The following PPP2R5D variants were observed in gnomAD, a reference collection of about 807,000 sequenced individuals.
PPP2R5D encodes the protein protein phosphatase 2 regulatory subunit B'delta.
A neutral mutation model predicts 79.1 loss-of-function variants in PPP2R5D; 12 were observed. That is an observed-to-expected ratio of 0.15 (90% CI 0.10 to 0.25). The LOEUF (loss-of-function observed/expected upper bound fraction) is 0.25, where lower values mean the gene tolerates loss of function less well. Among genes scored for constraint, PPP2R5D ranks in the 10% least tolerant of loss-of-function variants. PPP2R5D has a pLI of 1.00. For missense variants in PPP2R5D, 419 were observed against 760.2 expected, an observed-to-expected ratio of 0.55 and a Z score of 5.28; for synonymous variants, 277 against 286.6, an observed-to-expected ratio of 0.97 and a Z score of 0.34.
intron 2 of PPP2R5D, among the ~76,000 whole-genome samples, chr6:42,990,699 CTTTTTTT>C (rs70990164): frequency 5.8e-5 from 3 of 51,572 alleles, no homozygotes; most frequent in South Asian, 2.2e-3. Flanking sequence ...CAGTATTCTA[CTTTTTTT>C]TTTTTTTTTT....
Position 42,989,655 on chromosome 6 carries a change from G to C in PPP2R5D, c.72G>C (p.Ser24=). 6.2e-7 allele frequency: 1 copy of C among 1,613,950 alleles called. No individual in the cohort carries two copies. Among genetic ancestry groups the C allele is most frequent in the South Asian group, 1.1e-5 (1 of 91,054 alleles). ...AATGCACAGCCAAGCCTAGCAGCTCGGGCAAGGATGGTGGAGGCGAGAACA... is the reference window on the plus strand; with the variant it reads ...AATGCACAGCCAAGCCTAGCAGCTCCGGCAAGGATGGTGGAGGCGAGAACA... The part of the protein sequence containing the change: ...VAKCTAKPSS[S]GKDGGGENTE... Residue 24 remains serine, a synonymous_variant, in exon 2 of 16, where the codon TCG becomes TCC. Coordinates refer to ENST00000485511, the MANE Select transcript of PPP2R5D (RefSeq NM_006245.4).
rs372716096 is a variant in PPP2R5D, at chr6:43,009,457, G to A, written c.1379+8G>A. ...CAAGAGCCACTGGAACAAGTAAGGC[G>A]CTGGGGTGGGGCTGGGTGGTGGGGA... On this transcript the variant is annotated splice_region_variant and intron_variant, in intron 12 of 15. Transcript: ENST00000485511. The surrounding 1 kb of genome is among the most constrained non-coding windows in gnomAD (Gnocchi z 5.6). 12 of 1,613,934 alleles carry A rather than the reference G, an allele frequency of 7.4e-6. No individual in the cohort carries two copies. The highest frequency in any genetic ancestry group is 2.2e-5 in the East Asian group (1 of 44,900).
Position 43,007,517 on chromosome 6 carries a change from G to A in PPP2R5D, c.726+11G>A, listed in dbSNP as rs531625042. 3.4e-5 allele frequency: 54 copies of A among 1,591,706 alleles called. No homozygotes were observed. The South Asian group carries it at 5.1e-4, about 15-fold the overall frequency. ...AAGTTTGTACTTGCTGTGAGTCCCC[G>A]AGTTCCTGTCCTTGCCCTCTCTTTC... On this transcript the variant is annotated intron_variant, in intron 6 of 15. Coordinates refer to ENST00000485511, the MANE Select transcript of PPP2R5D (RefSeq NM_006245.4). The surrounding 1 kb of genome is among the most constrained non-coding windows in gnomAD (Gnocchi z 4.5).
rs1478372300 is a variant in PPP2R5D at position 43,008,167 on chromosome 6, G to A, written c.858-34G>A. On this transcript the variant is annotated intron_variant, in intron 7 of 15. Transcript: ENST00000485511. This position sits in a 1 kb window ranked among gnomAD's most constrained non-coding sequence, Gnocchi z 4.2. Reference sequence around the variant, plus strand: ...TGTACAGAATGCTGGAGGGACATCAGGGGTTGTCAAGAGAGCCATTTTTCT... The same window carrying A: ...TGTACAGAATGCTGGAGGGACATCAAGGGTTGTCAAGAGAGCCATTTTTCT... 1 of 1,613,016 alleles carries A rather than the reference G, an allele frequency of 6.2e-7. No individual in the cohort carries two copies. The highest frequency in any genetic ancestry group is 8.5e-7 in the Non-Finnish European group (1 of 1,179,730).
At position 43,008,948 on chromosome 6, in the gene PPP2R5D, T is replaced by G. The variant is rs1003807448; in HGVS notation, c.1081-109T>G. The G allele has an allele frequency of 5.1e-6, 7 of 1,373,300 alleles. No individual in the cohort carries two copies. The Admixed American group carries it at 1.2e-4, about 23-fold the overall frequency. 85.1% of individuals were successfully genotyped at this position (1,373,300 alleles called of 1,614,324 possible). On this transcript the variant is annotated intron_variant, in intron 10 of 15. Coordinates refer to ENST00000485511, the MANE Select transcript of PPP2R5D (RefSeq NM_006245.4). The surrounding 1 kb of genome is among the most constrained non-coding windows in gnomAD (Gnocchi z 4.2). ...CAAAGAAACGGGTAGCTGGCTGAGA[T>G]CACCCAAACTGTGCCCACCAGGGTG...
chr6:42,998,624 A>G, intron 2 of PPP2R5D, among the ~76,000 whole-genome samples: 1 of 151,762 alleles, frequency 6.6e-6, no homozygotes. Context: ...AGGGCCAGGT[A>G]TGGTGGCTCA....
Position 43,010,955 on chromosome 6 carries a change from C to T in PPP2R5D, c.1629C>T (p.Asp543=), listed in dbSNP as rs1326054153. ...AGACAGAGACCCCCACAGCTGAGGACATCCAGCTTCTGAAGAGGACTGTGG... is the reference window on the plus strand; with the variant it reads ...AGACAGAGACCCCCACAGCTGAGGATATCCAGCTTCTGAAGAGGACTGTGG... ...SMETETPTAE[D]IQLLKRTVET... Residue 543 remains aspartate, a synonymous_variant, in exon 15 of 16, where the codon GAC becomes GAT. Coordinates refer to ENST00000485511, the MANE Select transcript of PPP2R5D (RefSeq NM_006245.4). This position sits in a 1 kb window ranked among gnomAD's most constrained non-coding sequence, Gnocchi z 4.7. 6.2e-7 allele frequency: 1 copy of T among 1,614,158 alleles called. No homozygotes were observed. The highest frequency in any genetic ancestry group is 8.5e-7 in the Non-Finnish European group (1 of 1,180,016).
At position 43,007,172 on chromosome 6, in the gene PPP2R5D, G is replaced by T; in HGVS notation, c.523-24G>T. The T allele has an allele frequency of 6.2e-7, 1 of 1,614,106 alleles. No individual in the cohort carries two copies. ...GGGGCTCTGGAGAAGCCCAGGTGGA[G>T]CTCTAACTGGCCCTACCCCTCAGTT... On this transcript the variant is annotated intron_variant, in intron 4 of 15. Transcript: ENST00000485511. The surrounding 1 kb of genome is among the most constrained non-coding windows in gnomAD (Gnocchi z 4.5).
rs1182930535 is a variant in PPP2R5D, at chr6:42,984,585, T to C, written c.-93T>C. On this transcript the variant is annotated 5_prime_UTR_variant, in exon 1 of 16. Coordinates refer to ENST00000485511, the MANE Select transcript of PPP2R5D (RefSeq NM_006245.4). The stretch of plus-strand genomic sequence containing the variant: ...CGACCCGGGCGCAGCGCGCAGGCGG[T>C]GGCGAAGAGACGCCGAGCGGGCCGA... 3 of 1,480,932 alleles carry C rather than the reference T, an allele frequency of 2.0e-6. No individual in the cohort carries two copies. The highest frequency in any genetic ancestry group is 1.5e-5 in the African/African-American group (1 of 68,182). 91.7% of individuals were successfully genotyped at this position (1,480,932 alleles called of 1,614,324 possible). A position where few individuals can be genotyped will look rare whatever the true frequency, so the allele number is the denominator to read the frequency against.
At position 43,009,470 on chromosome 6, in the gene PPP2R5D, T is replaced by C. The variant is rs1762245765; in HGVS notation, c.1379+21T>C. On this transcript the variant is annotated intron_variant, in intron 12 of 15. Transcript: ENST00000485511. This position sits in a 1 kb window ranked among gnomAD's most constrained non-coding sequence, Gnocchi z 5.6. ...AACAAGTAAGGCGCTGGGGTGGGGCTGGGTGGTGGGGATCCAGTTTGGGAA... is the reference window on the plus strand; with the variant it reads ...AACAAGTAAGGCGCTGGGGTGGGGCCGGGTGGTGGGGATCCAGTTTGGGAA... The C allele has an allele frequency of 1.2e-6, 2 of 1,613,684 alleles. No homozygotes were observed.
chr6:43,008,252 C>A lies in PPP2R5D; in HGVS notation c.909C>A (p.Ile303=), dbSNP rs1762192125. The A allele has an allele frequency of 6.2e-7, 1 of 1,614,052 alleles. No individual in the cohort carries two copies. The highest frequency in any genetic ancestry group is 8.5e-7 in the Non-Finnish European group (1 of 1,180,048). Residue 303 remains isoleucine, a synonymous_variant, in exon 8 of 16, where the codon ATC becomes ATA. Coordinates refer to ENST00000485511, the MANE Select transcript of PPP2R5D (RefSeq NM_006245.4). The surrounding 1 kb of genome is among the most constrained non-coding windows in gnomAD (Gnocchi z 4.2). ...HHNGIAELLE[I]LGSIINGFAL... ...ACGGGATTGCTGAGCTCCTGGAGAT[C>A]CTGGGCAGGTGAGAGGCCGGGTGGG...
At chr6:42,995,338 G>T (rs1245756279) in intron 2 of PPP2R5D, among the ~76,000 whole-genome samples, 3 of 151,674 alleles carry the variant, frequency 2.0e-5, no homozygotes, top group African/African-American at 7.3e-5. Flanking sequence ...TTATTATGTT[G>T]CTAAGGCTGG....
chr6:43,011,444 C>A lies in PPP2R5D; in HGVS notation c.*158C>A, dbSNP rs1286842369. ...TGGGCACTTGAAGCAGGGACACCCA[C>A]AGAATGGTCCCTCTTCTCCCCAAAA... On this transcript the variant is annotated 3_prime_UTR_variant, in exon 16 of 16. Transcript: ENST00000485511. The A allele has an allele frequency of 2.1e-6, 2 of 974,364 alleles. No individual in the cohort carries two copies. The highest frequency in any genetic ancestry group is 1.5e-6 in the Non-Finnish European group (1 of 670,842). The allele number at this position is 974,364 out of a possible 1,614,324, so 60.4% of individuals were successfully genotyped here. A position where few individuals can be genotyped will look rare whatever the true frequency, so the allele number is the denominator to read the frequency against.
chr6:43,010,417 G>A lies in PPP2R5D; in HGVS notation c.1380-51G>A, dbSNP rs748434502. 9.8e-6 allele frequency: 15 copies of A among 1,528,198 alleles called. No individual in the cohort carries two copies. The South Asian group carries it at 1.5e-4, about 15-fold the overall frequency. 94.7% of individuals were successfully genotyped at this position (1,528,198 alleles called of 1,614,324 possible). A position where few individuals can be genotyped will look rare whatever the true frequency, so the allele number is the denominator to read the frequency against. ...TGAGAGAACAAATTGGGTTCCTCACGCTAAGGGCAGGCTCTGGCCTCCTAC... is the reference window on the plus strand; with the variant it reads ...TGAGAGAACAAATTGGGTTCCTCACACTAAGGGCAGGCTCTGGCCTCCTAC... On this transcript the variant is annotated intron_variant, in intron 12 of 15. Transcript: ENST00000485511. This position sits in a 1 kb window ranked among gnomAD's most constrained non-coding sequence, Gnocchi z 4.7.
In PPP2R5D at chr6:43,011,568, C is replaced by G; in HGVS notation, c.*282C>G. On this transcript the variant is annotated 3_prime_UTR_variant, in exon 16 of 16. Coordinates refer to ENST00000485511, the MANE Select transcript of PPP2R5D (RefSeq NM_006245.4). ...CTGTCCCCTACCTGCTCCTCACCCA[C>G]AGCTACCTGAGGCTGCTCTGAGAAG... is the stretch of plus-strand genomic sequence containing the variant. The G allele has an allele frequency of 2.0e-6, 1 of 503,812 alleles. No homozygotes were observed. The highest frequency in any genetic ancestry group is 3.6e-6 in the Non-Finnish European group (1 of 278,050). The allele number at this position is 503,812 out of a possible 1,614,324, so 31.2% of individuals were successfully genotyped here. A position where few individuals can be genotyped will look rare whatever the true frequency, so the allele number is the denominator to read the frequency against.
intron 1 of PPP2R5D, among the ~76,000 whole-genome samples, chr6:42,988,961 A>G (rs1771053816): frequency 6.6e-6 from 1 of 152,106 alleles, no homozygotes; most frequent in Admixed American, 6.5e-5. Context: ...CCCAAAGGAG[A>G]CTTCAGACTA....
intron 2 of PPP2R5D, among the ~76,000 whole-genome samples, chr6:43,003,315 G>A (rs1035965161): frequency 3.9e-5 from 6 of 152,074 alleles, no homozygotes; most frequent in Non-Finnish European, 7.4e-5. Context: ...CCAGCTACTC[G>A]GGAGGCTGAG....
At chr6:42,994,195 CAGG>C (rs1771471703) in intron 2 of PPP2R5D, among the ~76,000 whole-genome samples, 1 of 152,260 alleles carries the variant, frequency 6.6e-6, no homozygotes, top group South Asian at 2.1e-4. Context: ...GAGACTGAGG[CAGG>C]AGAATTGCTT....
chr6:43,010,988 G>T lies in PPP2R5D; in HGVS notation c.1662G>T (p.Glu554Asp). The T allele has an allele frequency of 6.2e-7, 1 of 1,613,934 alleles. No individual in the cohort carries two copies. The highest frequency in any genetic ancestry group is 8.5e-7 in the Non-Finnish European group (1 of 1,179,828). Reference protein sequence around the residue: ...IQLLKRTVETEAVQMLKDIKK... With the variant: ...IQLLKRTVETDAVQMLKDIKK... ...TTCTGAAGAGGACTGTGGAGACTGA[G>T]GCTGTTCAGGTGGGAGGGCAATGTA... The change falls in exon 15 of 16, where the codon GAG becomes GAT. Residue 554 changes from glutamate (E) to aspartate (D), a missense_variant. Physicochemically the swap from Glu to Asp is conservative, Grantham distance 45. Around this residue, in one of 5 missense-constraint regions of PPP2R5D, gnomAD observed 84 missense variants for 105.4 expected, o/e 0.80. Transcript: ENST00000485511. This position sits in a 1 kb window ranked among gnomAD's most constrained non-coding sequence, Gnocchi z 4.7.
Sources: gnomAD v4.1 joint callset for allele counts (sites outside exome capture counted in the v4.1 genomes callset) on GRCh38, gnomAD v4.1.1 for gene constraint, gnomAD v4.1.1 regional missense constraint, Gnocchi (gnomAD v3.1) non-coding constraint, MANE v1.5 for transcripts, NCBI Gene and HGNC (gene_info 2026-07-23, HGNC 2026-07-21) for gene names.